The following ABR variants were observed in gnomAD, a reference collection of about 807,000 sequenced individuals.
ABR encodes ABR activator of RhoGEF and GTPase.
A neutral mutation model predicts 107.2 loss-of-function variants in ABR; 35 were observed. The ratio of observed to expected loss-of-function variants is 0.33; its 90% CI spans 0.25 to 0.43. The LOEUF is 0.43. ABR is among the 20% of genes least tolerant of loss of function. The pLI is 1.00. For missense variants in ABR, 815 were observed against 1,115.2 expected (o/e 0.73, Z 3.83); for synonymous variants, 498 against 462.0 (o/e 1.08, Z -1.00).
rs1184257667 is a variant in ABR at position 1,050,299 on chromosome 17, C to A, written c.1660-118G>T. 2 of 1,348,764 alleles carry A rather than the reference C, an allele frequency of 1.5e-6. No homozygotes were observed. Among genetic ancestry groups the A allele is most frequent in the African/African-American group, 2.9e-5 (2 of 69,142 alleles). 83.5% of individuals were successfully genotyped at this position (1,348,764 alleles called of 1,614,324 possible). A position where few individuals can be genotyped will look rare whatever the true frequency, so the allele number is the denominator to read the frequency against. On this transcript the variant is annotated intron_variant, in intron 15 of 22. Transcript: ENST00000302538. This position sits in a 1 kb window ranked among gnomAD's most constrained non-coding sequence, Gnocchi z 4.6. ...GAGTAAGCACGGCCCACGAAGGACA[C>A]GTCAGATTTTCTGGAGCTCCCAGAG...
Position 1,070,082 on chromosome 17 carries a change from C to T in ABR, c.903G>A (p.Gln301=), listed in dbSNP as rs1174777521. The change falls in exon 9 of 23, where the codon CAG becomes CAA. Residue 301 remains glutamine, a synonymous_variant. Transcript: ENST00000302538. The surrounding 1 kb of genome is among the most constrained non-coding windows in gnomAD (Gnocchi z 4.2). ...AVTTPKGETR[Q]LVKDGFLVEV... is the part of the protein sequence containing the mutation. ...CCACCAGGAAGCCGTCCTTCACCAG[C>T]TGTCGCGTCTGAGGGAGATGGCAGA... 5 of 1,613,760 alleles carry T rather than the reference C, an allele frequency of 3.1e-6. No homozygotes were observed. Among genetic ancestry groups the T allele is most frequent in the Non-Finnish European group, 2.5e-6 (3 of 1,179,936 alleles).
chr17:1,125,088 T>C, intron 2 of ABR, 95 bp downstream of exon 2: 1 of 1,315,064 alleles, frequency 7.6e-7, no homozygotes, highest in Non-Finnish European at 1.0e-6. Flanking sequence ...CCAGTCCCAA[T>C]CTCTCGAGAC....
chr17:1,043,667 C>T, intron 16 of ABR, among the ~76,000 whole-genome samples: 1 of 152,222 alleles, frequency 6.6e-6, no homozygotes, highest in East Asian at 1.9e-4. Context: ...TGCCTGGCTT[C>T]TACCACTATT....
intron 16 of ABR, among the ~76,000 whole-genome samples, chr17:1,020,751 G>A (rs2071560585): frequency 6.6e-6 from 1 of 152,192 alleles, no homozygotes; most frequent in Non-Finnish European, 1.5e-5. Flanking sequence ...ACACCTGAGC[G>A]TCCTCCAGGG....
At chr17:1,169,994 G>GT (rs1328881077) in intron 1 of ABR, among the ~76,000 whole-genome samples, 1 of 123,184 alleles carries the variant, frequency 8.1e-6, no homozygotes, top group Non-Finnish European at 1.6e-5. Context: ...GTTTGTGTTT[G>GT]TGTGTGTGTG....
At chr17:1,056,260 G>C in intron 13 of ABR, 151 bp from the exon 14 acceptor site, 1 of 686,778 alleles carries the variant, frequency 1.5e-6, no homozygotes. Flanking sequence ...AGTTTCCGAA[G>C]GCCACGGCGG....
intron 2 of ABR, chr17:1,109,068 T>G: frequency 1.3e-6 from 2 of 1,488,538 alleles, no homozygotes; most frequent in Non-Finnish European, 1.8e-6. Flanking sequence ...TCCTCCTCCA[T>G]GGCAGCCGGA....
chr17:1,198,968 C>T (rs1187578888), intron 1 of ABR, among the ~76,000 whole-genome samples: 1 of 145,828 alleles, frequency 6.9e-6, no homozygotes, highest in Non-Finnish European at 1.5e-5. Context: ...GTAGAAGAAT[C>T]GTTTGAACCT....
chr17:1,068,924 C>T lies in ABR; in HGVS notation c.1016+1045G>A, dbSNP rs562845943. 2.0e-5 allele frequency among the ~76,000 whole-genome samples: 3 copies of T among 152,312 alleles called. No homozygotes were observed. In the South Asian group the frequency reaches 6.2e-4, roughly 32 times the overall value. ...GAAATCATGTATTCAAAGCATGTGT[C>T]ACGGCACCTGGCATGGCATAAACCC... On this transcript the variant is annotated intron_variant, in intron 9 of 22. Coordinates refer to ENST00000302538, the MANE Select transcript of ABR (RefSeq NM_021962.5).
Position 1,102,957 on chromosome 17 carries a change from G to A in ABR, c.247-2222C>T, listed in dbSNP as rs150533421. 4.5e-4 allele frequency among the ~76,000 whole-genome samples: 69 copies of A among 152,204 alleles called. No homozygotes were observed. In the East Asian group the frequency reaches 0.013, roughly 28 times the overall value. On this transcript the variant is annotated intron_variant, in intron 2 of 22. Coordinates refer to ENST00000302538, the MANE Select transcript of ABR (RefSeq NM_021962.5). ...ACTCCTGACCTCAGGTGATGCGCCC[G>A]CCTCGGCCTCCCAAAGTGCTGGGAT...
At position 1,071,449 on chromosome 17, in the gene ABR, C is replaced by G. The variant is rs537787336; in HGVS notation, c.894+1165G>C. On this transcript the variant is annotated intron_variant, in intron 8 of 22. Coordinates refer to ENST00000302538, the MANE Select transcript of ABR (RefSeq NM_021962.5). The surrounding 1 kb of genome is among the most constrained non-coding windows in gnomAD (Gnocchi z 5.1). ...TCCCCTGGACAGGAAGCCTTTCACC[C>G]GGGCCCGGCTGCCAATCCACGAAGG... is the stretch of plus-strand genomic sequence containing the variant. 9.9e-5 allele frequency among the ~76,000 whole-genome samples: 15 copies of G among 152,196 alleles called. No individual in the cohort carries two copies. Among genetic ancestry groups the G allele is most frequent in the African/African-American group, 3.1e-4 (13 of 41,456 alleles).
intron 2 of ABR, chr17:1,109,148 G>A (rs1744491394): frequency 1.2e-5 from 18 of 1,463,746 alleles, no homozygotes; most frequent in Non-Finnish European, 1.5e-5. Context: ...GGAGGAGGCG[G>A]GCGGGAGGGG....
At chr17:1,138,522 G>C (rs566039307) in intron 1 of ABR, among the ~76,000 whole-genome samples, 7 of 152,000 alleles carry the variant, frequency 4.6e-5, no homozygotes, top group Non-Finnish European at 1.5e-5. Flanking sequence ...CTGTTGCCCA[G>C]GCTGGAGTGC....
chr17:1,102,100 T>C (rs2037937075), intron 2 of ABR, among the ~76,000 whole-genome samples: 1 of 152,094 alleles, frequency 6.6e-6, no homozygotes, highest in African/African-American at 2.4e-5. Flanking sequence ...CCATATCCTT[T>C]ATGAGCCACC....
intron 1 of ABR, among the ~76,000 whole-genome samples, chr17:1,202,946 G>A (rs1282446945): frequency 1.3e-5 from 2 of 151,138 alleles, no homozygotes; most frequent in Non-Finnish European, 2.9e-5. Flanking sequence ...CAGTACAGTG[G>A]TGTGATCTCG....
At chr17:1,016,897 C>T (rs776571696) in intron 16 of ABR, among the ~76,000 whole-genome samples, 3 of 152,168 alleles carry the variant, frequency 2.0e-5, no homozygotes, top group South Asian at 2.1e-4. Context: ...TAACAGGCCA[C>T]TGTCATCACG....
intron 1 of ABR, among the ~76,000 whole-genome samples, chr17:1,152,451 C>A (rs574964425): frequency 6.7e-6 from 1 of 150,162 alleles, no homozygotes; most frequent in African/African-American, 2.5e-5. Flanking sequence ...ATTAGCCGGG[C>A]GTGGTGGTGC....
rs2069970264 is a variant in ABR, at chr17:1,005,697, C to A, written c.*383G>T. 7.2e-6 allele frequency: 2 copies of A among 277,330 alleles called. No individual in the cohort carries two copies. Among genetic ancestry groups the A allele is most frequent in the South Asian group, 8.8e-5 (2 of 22,766 alleles). 17.2% of individuals were successfully genotyped at this position (277,330 alleles called of 1,614,324 possible). On this transcript the variant is annotated 3_prime_UTR_variant, in exon 23 of 23. Coordinates refer to ENST00000302538, the MANE Select transcript of ABR (RefSeq NM_021962.5). ...CAGTTACACAGCGCAAAATAAAAGGCCTTGGGCTGGACTCAGGCGGAAAGA... is the reference window on the plus strand; with the variant it reads ...CAGTTACACAGCGCAAAATAAAAGGACTTGGGCTGGACTCAGGCGGAAAGA...
intron 12 of ABR, chr17:1,057,702 TGAGA>T (rs1300837671): frequency 6.8e-5 from 25 of 369,916 alleles, no homozygotes; most frequent in Non-Finnish European, 8.7e-5. Flanking sequence ...TGTGTGTGTG[TGAGA>T]GAGAGAGAGA....
Sources: allele counts gnomAD v4.1 joint callset (sites outside exome capture counted in the v4.1 genomes callset), GRCh38; gene constraint gnomAD v4.1.1; non-coding constraint Gnocchi (gnomAD v3.1); transcripts MANE v1.5; gene names NCBI Gene and HGNC (gene_info 2026-07-23, HGNC 2026-07-21).